Variants in NLGN4Y observed in about 807,000 individuals in gnomAD.
NLGN4Y encodes neuroligin 4 Y-linked, also known as neuroligin-4, Y-linked.
A neutral mutation model predicts 8.4 loss-of-function variants in NLGN4Y; 4 were observed. The ratio of observed to expected loss-of-function variants is 0.48; its 90% CI spans 0.23 to 1.09. NLGN4Y has a LOEUF of 1.09. NLGN4Y is among the 50% of genes least tolerant of loss of function. NLGN4Y has a pLI of 0.19. For synonymous variants in NLGN4Y, 35 were observed against 75.6 expected (o/e 0.46, Z 2.78); for missense variants, 90 against 192.3 (o/e 0.47, Z 3.15).
chrY:14,612,708 C>G, intron 1 of NLGN4Y, among the ~76,000 whole-genome samples: 1 of 33,232 alleles, frequency 3.0e-5, no homozygotes, highest in Non-Finnish European at 7.4e-5. Flanking sequence ...AACCAGAGCT[C>G]TCCTATATGA....
At chrY:14,601,506 T>C (rs2080426973) in intron 1 of NLGN4Y, among the ~76,000 whole-genome samples, 2 of 33,290 alleles carry the variant, frequency 6.0e-5, no homozygotes, top group African/African-American at 2.4e-4. Context: ...ATTGCTACAC[T>C]TACGTTATGC....
chrY:14,599,974 C>G (rs746009258), intron 1 of NLGN4Y, among the ~76,000 whole-genome samples: 8 of 32,624 alleles, frequency 2.5e-4, no homozygotes, highest in African/African-American at 9.5e-4. Flanking sequence ...TACTTCTACA[C>G]ACACACACAT....
chrY:14,821,864 AT>A (rs2043124647), intron 4 of NLGN4Y, among the ~76,000 whole-genome samples: 1 of 34,080 alleles, frequency 2.9e-5, no homozygotes, highest in Non-Finnish European at 7.3e-5. Flanking sequence ...AAGAAGGGCT[AT>A]TATCATTTAA....
intron 4 of NLGN4Y, among the ~76,000 whole-genome samples, chrY:14,780,932 C>A: frequency 6.0e-5 from 2 of 33,472 alleles, no homozygotes; most frequent in African/African-American, 1.2e-4. Flanking sequence ...AGAAGGCTTA[C>A]TTCCTCCAGA....
At chrY:14,756,732 C>T in intron 4 of NLGN4Y, among the ~76,000 whole-genome samples, 1 of 25,424 alleles carries the variant, frequency 3.9e-5, no homozygotes, top group Non-Finnish European at 8.9e-5. Flanking sequence ...GTGACAACAG[C>T]AAGACTCTGT....
At chrY:14,787,300 ACAAG>A (rs2042971093) in intron 4 of NLGN4Y, among the ~76,000 whole-genome samples, 3 of 32,721 alleles carry the variant, frequency 9.2e-5, no homozygotes, top group Non-Finnish European at 2.2e-4. Context: ...TGCTGAGATT[ACAAG>A]CATGAGTCAC....
At chrY:14,594,385 C>A in intron 1 of NLGN4Y, among the ~76,000 whole-genome samples, 1 of 33,196 alleles carries the variant, frequency 3.0e-5, no homozygotes, top group Non-Finnish European at 7.4e-5. Context: ...TCGTAGTAAA[C>A]CGCACTGATA....
At chrY:14,697,056 A>G (rs967145593) in intron 2 of NLGN4Y, among the ~76,000 whole-genome samples, 1 of 32,443 alleles carries the variant, frequency 3.1e-5, no homozygotes, top group Non-Finnish European at 7.5e-5. Context: ...ACTCTCCTTT[A>G]CCTTTTCTGG....
intron 2 of NLGN4Y, chrY:14,639,956 G>A: frequency 8.4e-6 from 1 of 119,017 alleles, no homozygotes; most frequent in Admixed American, 1.2e-4. Flanking sequence ...CATCCTACTG[G>A]GCACAACCGG....
chrY:14,842,685 A>G lies in NLGN4Y; in HGVS notation c.*1423A>G. On this transcript the variant is annotated 3_prime_UTR_variant, in exon 7 of 7. Coordinates refer to ENST00000684976, the MANE Select transcript of NLGN4Y (RefSeq NM_001365588.1). ...GATTTATCTGATCACCAAATAATAA[A>G]TATTAAGAAGAATGGGGGAAAAAGG... is the stretch of plus-strand genomic sequence containing the variant. 1 of 120,465 alleles carries G rather than the reference A, an allele frequency of 8.3e-6. No individual in the cohort carries two copies. The highest frequency in any genetic ancestry group is 1.8e-5 in the Non-Finnish European group (1 of 55,969). The allele number at this position is 120,465 out of a possible 400,897, so 30.0% of individuals were successfully genotyped here.
chrY:14,696,005 C>A, intron 2 of NLGN4Y, among the ~76,000 whole-genome samples: 1 of 32,896 alleles, frequency 3.0e-5, no homozygotes, highest in African/African-American at 1.2e-4. Flanking sequence ...GTCCCCCAAG[C>A]AGCTTGTTGC....
chrY:14,645,339 T>G, intron 2 of NLGN4Y, among the ~76,000 whole-genome samples: 1 of 27,997 alleles, frequency 3.6e-5, no homozygotes, highest in East Asian at 9.1e-4. Context: ...CCCGGCTAAT[T>G]TTTTATATTT....
At chrY:14,705,268 A>T in intron 2 of NLGN4Y, among the ~76,000 whole-genome samples, 1 of 33,158 alleles carries the variant, frequency 3.0e-5, no homozygotes, top group African/African-American at 1.2e-4. Flanking sequence ...AAAATTCATA[A>T]TTAGATCTCA....
chrY:14,825,190 C>T, intron 5 of NLGN4Y, among the ~76,000 whole-genome samples: 1 of 31,556 alleles, frequency 3.2e-5, no homozygotes, highest in African/African-American at 1.2e-4. Flanking sequence ...TGTCTCTCTC[C>T]CTGACTCTGT....
intron 2 of NLGN4Y, among the ~76,000 whole-genome samples, chrY:14,697,201 G>GCAGATAGA (rs2080830420): frequency 4.4e-5 from 1 of 22,767 alleles, no homozygotes; most frequent in Non-Finnish European, 1.0e-4. Context: ...AGATAGGTAG[G>GCAGATAGA]TAGGCAGATA....
chrY:14,562,638 G>A (rs2080234574), intron 1 of NLGN4Y, among the ~76,000 whole-genome samples: 1 of 33,539 alleles, frequency 3.0e-5, no homozygotes, highest in Non-Finnish European at 7.4e-5. Context: ...ACTTTGGGCA[G>A]TTTGACCATT....
intron 1 of NLGN4Y, among the ~76,000 whole-genome samples, chrY:14,551,196 C>T (rs2080191378): frequency 1.2e-4 from 4 of 33,443 alleles, no homozygotes; most frequent in Admixed American, 1.1e-3. Flanking sequence ...CAAAGAAGGG[C>T]ATTACATAAT....
chrY:14,814,590 A>G (rs538283453), intron 4 of NLGN4Y, among the ~76,000 whole-genome samples: 6 of 33,379 alleles, frequency 1.8e-4, no homozygotes, highest in African/African-American at 7.0e-4. Flanking sequence ...TTTGAGAGGC[A>G]TTGTCTGATT....
chrY:14,799,069 T>C (rs2043021837), intron 4 of NLGN4Y, among the ~76,000 whole-genome samples: 3 of 33,861 alleles, frequency 8.9e-5, no homozygotes, highest in African/African-American at 3.5e-4. Context: ...ATTGTGGCCA[T>C]GAGTGACTGG....
Sources: gnomAD v4.1 joint callset for allele counts (sites outside exome capture counted in the v4.1 genomes callset) on GRCh38, gnomAD v4.1.1 for gene constraint, MANE v1.5 for transcripts, NCBI Gene and HGNC (gene_info 2026-07-23, HGNC 2026-07-21) for gene names.